The following RNF130 variants were observed in gnomAD, a reference collection of about 807,000 sequenced individuals.
The protein encoded by RNF130 is E3 ubiquitin-protein ligase RNF130.
In RNF130, 21 loss-of-function variants were observed where a neutral mutation model predicts 44.6. That is an observed-to-expected ratio of 0.47 (90% CI 0.33 to 0.68). The LOEUF (loss-of-function observed/expected upper bound fraction) is 0.68, where lower values mean the gene tolerates loss of function less well. Among genes scored for constraint, RNF130 ranks in the 30% least tolerant of loss-of-function variants. The probability of loss-of-function intolerance (pLI) is 0.02; values close to 1 mark genes in which losing one functional copy is unlikely to be tolerated. For synonymous variants in RNF130, 214 were observed against 210.4 expected (o/e 1.02, Z -0.15); for missense variants, 479 against 560.6 (o/e 0.85, Z 1.47).
At chr5:179,991,886 T>A (rs1046091663) in intron 3 of RNF130, among the ~76,000 whole-genome samples, 1 of 152,188 alleles carries the variant, frequency 6.6e-6, no homozygotes, top group Admixed American at 6.5e-5. Flanking sequence ...AGTGAGAGAT[T>A]AGGCATTAGA....
intron 3 of RNF130, among the ~76,000 whole-genome samples, chr5:179,997,593 G>A (rs1302249246): frequency 1.3e-5 from 2 of 152,008 alleles, no homozygotes; most frequent in African/African-American, 4.8e-5. Context: ...CTCCCAAAGT[G>A]CTGGGATTAC....
chr5:180,032,268 A>C (rs185018865), intron 2 of RNF130, among the ~76,000 whole-genome samples: 3 of 152,324 alleles, frequency 2.0e-5, no homozygotes. Flanking sequence ...TCTTGTTCAA[A>C]ATCACAGACT....
chr5:179,983,227 C>T (rs1244738283), intron 3 of RNF130, among the ~76,000 whole-genome samples: 2 of 151,792 alleles, frequency 1.3e-5, no homozygotes, highest in Non-Finnish European at 2.9e-5. Context: ...TTGCCTATTT[C>T]AAGGTTACAA....
chr5:179,917,451 C>G (rs1393364739), exon 8 of RNF130: 2 of 152,302 alleles, frequency 1.3e-5, no homozygotes, highest in African/African-American at 4.8e-5. Context: ...GGTTATCATA[C>G]ATTTCCTAAT....
chr5:179,951,834 G>C (rs1463146058), downstream of RNF130, among the ~76,000 whole-genome samples: 2 of 151,950 alleles, frequency 1.3e-5, no homozygotes, highest in Non-Finnish European at 2.9e-5. Flanking sequence ...ATGGGCCAAA[G>C]AAGAAATAAC....
intron 3 of RNF130, among the ~76,000 whole-genome samples, chr5:179,996,215 C>T (rs1179949038): frequency 6.6e-6 from 1 of 152,012 alleles, no homozygotes; most frequent in Admixed American, 6.5e-5. Flanking sequence ...TTTTTGGTGG[C>T]TATTGTAAAT....
At chr5:179,985,846 G>T (rs1201904279) in intron 3 of RNF130, among the ~76,000 whole-genome samples, 1 of 152,068 alleles carries the variant, frequency 6.6e-6, no homozygotes, top group East Asian at 1.9e-4. Context: ...CCCAAATAGG[G>T]CACTTTCATC....
intron 3 of RNF130, among the ~76,000 whole-genome samples, chr5:180,003,346 C>T (rs1763390419): frequency 6.6e-6 from 1 of 152,162 alleles, no homozygotes; most frequent in Non-Finnish European, 1.5e-5. Context: ...GGAAGCAGTC[C>T]AGTCTTCAGC....
chr5:179,971,013 A>T (rs546690293), intron 5 of RNF130, among the ~76,000 whole-genome samples: 1 of 152,156 alleles, frequency 6.6e-6, no homozygotes, highest in South Asian at 2.1e-4. Flanking sequence ...GCTACAGGGA[A>T]GCTGAAACTA....
chr5:180,035,286 T>A (rs1413687359), intron 2 of RNF130, among the ~76,000 whole-genome samples: 1 of 152,224 alleles, frequency 6.6e-6, no homozygotes, highest in Non-Finnish European at 1.5e-5. Flanking sequence ...ATTGGACCCG[T>A]GTGTTATTTA....
intron 1 of RNF130, among the ~76,000 whole-genome samples, chr5:180,051,239 T>TATTTATTTATTTATTA (rs1210199955): frequency 0.01 from 111 of 10,904 alleles, no homozygotes; most frequent in African/African-American, 0.043. Context: ...ATAGATATTA[T>TATTTATTTATTTATTA]ATTTATTTAT....
chr5:180,010,428 T>C (rs969213598), intron 3 of RNF130, among the ~76,000 whole-genome samples: 3 of 151,990 alleles, frequency 2.0e-5, no homozygotes. Context: ...GGTACGATCA[T>C]GGCTCACTGC....
Position 179,943,948 on chromosome 5 carries a change from T to TA in RNF130, c.1150+22857dup, listed in dbSNP as rs1761998893. On this transcript the variant is annotated intron_variant, in intron 7 of 7. Transcript: ENST00000522208. ...GGTCTTTACAAAGGTCCCATGTAAC[T>TA]AACCACTTCTCTTTATTTCTGAGAA... Among the ~76,000 whole-genome samples the TA allele has an allele frequency of 3.9e-5, 6 of 152,188 alleles. No homozygotes were observed. The South Asian group carries it at 1.2e-3, about 32-fold the overall frequency.
chr5:180,057,660 A>G (rs1002158763), intron 1 of RNF130, among the ~76,000 whole-genome samples: 2 of 152,166 alleles, frequency 1.3e-5, no homozygotes, highest in Non-Finnish European at 2.9e-5. Context: ...ACACCCCCGC[A>G]ATACCGCGAC....
chr5:180,056,125 C>A (rs567492804), intron 1 of RNF130, among the ~76,000 whole-genome samples: 1 of 151,902 alleles, frequency 6.6e-6, no homozygotes, highest in South Asian at 2.1e-4. Context: ...AACAAACCAT[C>A]ACCACCAATC....
chr5:180,034,514 TCTTA>T (rs773274210), intron 2 of RNF130, among the ~76,000 whole-genome samples: 13 of 152,306 alleles, frequency 8.5e-5, no homozygotes, highest in South Asian at 2.1e-4. Flanking sequence ...CAATTCAATT[TCTTA>T]CTTATTATAG....
exon 8 of RNF130, chr5:179,917,115 C>T (rs1049768529): frequency 2.0e-5 from 3 of 151,426 alleles, no homozygotes; most frequent in South Asian, 2.1e-4. Context: ...GGTGTGAACC[C>T]GGGAGGCGGA....
chr5:179,969,525 TTC>T (rs1448156518), intron 6 of RNF130, among the ~76,000 whole-genome samples: 3 of 152,106 alleles, frequency 2.0e-5, no homozygotes, highest in African/African-American at 7.2e-5. Context: ...AATCATGTCC[TTC>T]TCTCTTTCTT....
At chr5:179,960,767 G>A (rs981720386) in intron 8 of RNF130, among the ~76,000 whole-genome samples, 1 of 151,840 alleles carries the variant, frequency 6.6e-6, no homozygotes, top group Non-Finnish European at 1.5e-5. Flanking sequence ...AAAATGCCAA[G>A]AGATGAAATC....
Sources: gnomAD v4.1 joint callset for allele counts (sites outside exome capture counted in the v4.1 genomes callset) on GRCh38, gnomAD v4.1.1 for gene constraint, MANE v1.5 for transcripts, NCBI Gene and HGNC (gene_info 2026-07-23, HGNC 2026-07-21) for gene names.